ANKS1B: variants seen among roughly 807,000 people sequenced by gnomAD.
ANKS1B encodes ankyrin repeat and sterile alpha motif domain-containing protein 1B.
Under a neutral mutation model 148.3 loss-of-function variants are expected in ANKS1B, and 36 were observed. The observed-to-expected ratio is 0.24, with a 90% CI of 0.19 to 0.32. The LOEUF is 0.32. ANKS1B is among the 10% of genes least tolerant of loss of function. ANKS1B has a pLI of 1.00. For missense variants in ANKS1B, 1,157 were observed against 1,542.6 expected, an observed-to-expected ratio of 0.75 and a Z score of 4.19; for synonymous variants, 542 against 560.8, an observed-to-expected ratio of 0.97 and a Z score of 0.47.
At chr12:99,846,430 T>C (rs575181745) in intron 1 of ANKS1B, among the ~76,000 whole-genome samples, 1 of 152,270 alleles carries the variant, frequency 6.6e-6, no homozygotes, top group Non-Finnish European at 1.5e-5. Flanking sequence ...AATTACATTG[T>C]AACTATGTCC....
rs1030516190 is a variant in ANKS1B, at chr12:99,059,233, G to C, written c.2626-5924C>G. 2.6e-5 allele frequency among the ~76,000 whole-genome samples: 4 copies of C among 152,270 alleles called. No homozygotes were observed. The East Asian group carries it at 7.7e-4, about 29-fold the overall frequency. Reference sequence around the variant, plus strand: ...GAGTATCTGTCTTCTTCATTGGACTGCCTACCCCTTGGTGAAGAAATGAGG... The same window carrying C: ...GAGTATCTGTCTTCTTCATTGGACTCCCTACCCCTTGGTGAAGAAATGAGG... On this transcript the variant is annotated intron_variant, in intron 16 of 26. Transcript: ENST00000683438.
At chr12:99,676,868 TA>T (rs2098576754) in intron 8 of ANKS1B, among the ~76,000 whole-genome samples, 1 of 152,176 alleles carries the variant, frequency 6.6e-6, no homozygotes, top group African/African-American at 2.4e-5. Flanking sequence ...TATTGTTCTA[TA>T]AATGTTAAAT....
At chr12:99,216,143 A>G (rs2153928417) in intron 14 of ANKS1B, among the ~76,000 whole-genome samples, 1 of 152,338 alleles carries the variant, frequency 6.6e-6, no homozygotes, top group African/African-American at 2.4e-5. Context: ...GCCTGCCACC[A>G]TGTAAGATGT....
chr12:99,274,676 T>C (rs1421554380), intron 12 of ANKS1B, among the ~76,000 whole-genome samples: 1 of 152,226 alleles, frequency 6.6e-6, no homozygotes, highest in Non-Finnish European at 1.5e-5. Context: ...GTTCAAAACC[T>C]ACACCATATG....
intron 9 of ANKS1B, among the ~76,000 whole-genome samples, chr12:99,527,222 G>A (rs1269838060): frequency 6.6e-6 from 1 of 151,942 alleles, no homozygotes; most frequent in Non-Finnish European, 1.5e-5. Context: ...AACAGTAAAA[G>A]GTACTCGTTG....
intron 10 of ANKS1B, among the ~76,000 whole-genome samples, chr12:99,466,863 A>G (rs1479613137): frequency 6.6e-6 from 1 of 152,056 alleles, no homozygotes; most frequent in African/African-American, 2.4e-5. Context: ...CAGAGGTACA[A>G]GGAGGAACTG....
intron 9 of ANKS1B, among the ~76,000 whole-genome samples, chr12:99,651,223 G>GA (rs1251510678): frequency 6.6e-6 from 1 of 151,900 alleles, no homozygotes; most frequent in African/African-American, 2.4e-5. Flanking sequence ...CTTCAGACCT[G>GA]AAAAAAATGG....
chr12:99,633,732 A>G (rs2098199078), intron 9 of ANKS1B, among the ~76,000 whole-genome samples: 1 of 152,156 alleles, frequency 6.6e-6, no homozygotes, highest in Non-Finnish European at 1.5e-5. Context: ...TTTGCAATCT[A>G]CTCATCTGAC....
At chr12:99,375,589 C>A (rs2093358036) in intron 12 of ANKS1B, among the ~76,000 whole-genome samples, 1 of 151,954 alleles carries the variant, frequency 6.6e-6, no homozygotes, top group South Asian at 2.1e-4. Context: ...TACAGATTTT[C>A]TGATCTAAAT....
intron 17 of ANKS1B, among the ~76,000 whole-genome samples, chr12:98,906,482 C>A (rs1332965343): frequency 2.6e-5 from 4 of 152,146 alleles, no homozygotes; most frequent in African/African-American, 9.7e-5. Context: ...AGTTTCTCCA[C>A]CTAAAAGGGA....
intron 24 of ANKS1B, among the ~76,000 whole-genome samples, chr12:98,780,080 A>G (rs1299023728): frequency 6.6e-6 from 1 of 152,210 alleles, no homozygotes; most frequent in Non-Finnish European, 1.5e-5. Flanking sequence ...GACACCAAAG[A>G]GTCACTGCCC....
At chr12:98,790,727 A>C (rs1172987569) in intron 22 of ANKS1B, among the ~76,000 whole-genome samples, 1 of 152,240 alleles carries the variant, frequency 6.6e-6, no homozygotes, top group Non-Finnish European at 1.5e-5. Flanking sequence ...ATCTGTGTGC[A>C]TAACTGAACA....
chr12:99,019,177 T>C (rs1381097600), intron 17 of ANKS1B, among the ~76,000 whole-genome samples: 2 of 152,214 alleles, frequency 1.3e-5, no homozygotes, highest in African/African-American at 4.8e-5. Context: ...AGTTTTCTAT[T>C]CAACATTGGC....
intron 8 of ANKS1B, among the ~76,000 whole-genome samples, chr12:99,658,149 G>T (rs149315048): frequency 1.3e-5 from 2 of 152,190 alleles, no homozygotes; most frequent in Admixed American, 6.5e-5. Flanking sequence ...TCTGCACAGC[G>T]TATTGTAGTG....
chr12:99,805,347 G>A, intron 4 of ANKS1B, among the ~76,000 whole-genome samples: 1 of 149,824 alleles, frequency 6.7e-6, no homozygotes, highest in African/African-American at 2.5e-5. Context: ...GCTGTGGCCA[G>A]GCCCAGTAGC....
chr12:99,371,401 T>C (rs1206960952), intron 12 of ANKS1B, among the ~76,000 whole-genome samples: 1 of 152,114 alleles, frequency 6.6e-6, no homozygotes, highest in African/African-American at 2.4e-5. Flanking sequence ...TGAGCTTTAG[T>C]GATCTCTGTA....
At chr12:99,890,586 TGTG>T (rs2093046737) in intron 1 of ANKS1B, among the ~76,000 whole-genome samples, 3 of 97,782 alleles carry the variant, frequency 3.1e-5, no homozygotes, top group Admixed American at 1.1e-4. Context: ...TGTGTGTGTG[TGTG>T]TGTGTGTGTG....
At chr12:98,805,360 C>T (rs1156625147) in intron 20 of ANKS1B, among the ~76,000 whole-genome samples, 6 of 150,874 alleles carry the variant, frequency 4.0e-5, no homozygotes, top group African/African-American at 1.2e-4. Flanking sequence ...GGAAAATGTA[C>T]ATCATTAGCT....
chr12:99,561,761 A>G (rs998855623), intron 9 of ANKS1B, among the ~76,000 whole-genome samples: 1 of 152,088 alleles, frequency 6.6e-6, no homozygotes, highest in Non-Finnish European at 1.5e-5. Flanking sequence ...GAAGTCTTGA[A>G]CCTCTCAATG....
Sources: allele counts gnomAD v4.1 joint callset (sites outside exome capture counted in the v4.1 genomes callset), GRCh38; gene constraint gnomAD v4.1.1; transcripts MANE v1.5; gene names NCBI Gene and HGNC (gene_info 2026-07-23, HGNC 2026-07-21).